Variants in AUTS2 observed in about 807,000 individuals in gnomAD.
AUTS2 encodes the protein activator of transcription and developmental regulator AUTS2.
AUTS2 carries 17 observed loss-of-function variants against 112.4 expected under a neutral mutation model. The observed-to-expected ratio is 0.15, with a 90% CI of 0.10 to 0.23. The LOEUF (loss-of-function observed/expected upper bound fraction) is 0.23. AUTS2 is among the 10% of genes least tolerant of loss of function. The probability of loss-of-function intolerance (pLI) is 1.00; values close to 1 mark genes in which losing one functional copy is unlikely to be tolerated. For synonymous variants in AUTS2, 751 were observed against 702.7 expected (o/e 1.07, Z -1.09); for missense variants, 1,510 against 1,701.6 (o/e 0.89, Z 1.98).
chr7:70,024,583 GT>G (rs1204668762), intron 2 of AUTS2, among the ~76,000 whole-genome samples: 1 of 151,800 alleles, frequency 6.6e-6, no homozygotes, highest in Non-Finnish European at 1.5e-5. Context: ...CTGTATGTGT[GT>G]TTTTTTCTCT....
At chr7:69,659,099 T>G (rs1219710708) in intron 1 of AUTS2, among the ~76,000 whole-genome samples, 4 of 152,202 alleles carry the variant, frequency 2.6e-5, no homozygotes, top group Non-Finnish European at 5.9e-5. Context: ...GACAGTGTCT[T>G]TAAAATGACC....
At chr7:70,513,865 G>T (rs945182626) in intron 5 of AUTS2, among the ~76,000 whole-genome samples, 1 of 151,914 alleles carries the variant, frequency 6.6e-6, no homozygotes, top group Non-Finnish European at 1.5e-5. Context: ...TCACCATGTT[G>T]CCCAGGCTGG....
intron 2 of AUTS2, among the ~76,000 whole-genome samples, chr7:69,923,988 A>G (rs1351718854): frequency 6.6e-6 from 1 of 152,204 alleles, no homozygotes; most frequent in Non-Finnish European, 1.5e-5. Flanking sequence ...CATGTTTAAT[A>G]GAAGAGACAA....
intron 2 of AUTS2, among the ~76,000 whole-genome samples, chr7:70,039,659 C>T (rs555567120): frequency 1.3e-5 from 2 of 152,116 alleles, no homozygotes; most frequent in African/African-American, 2.4e-5. Context: ...TGAGCTACTG[C>T]GCTTGGGCCA....
At chr7:70,762,090 G>A (rs931058525) in intron 6 of AUTS2, among the ~76,000 whole-genome samples, 2 of 152,160 alleles carry the variant, frequency 1.3e-5, no homozygotes, top group African/African-American at 4.8e-5. Context: ...TGGAAAGTGG[G>A]GAGGAAGGGA....
intron 5 of AUTS2, among the ~76,000 whole-genome samples, chr7:70,510,431 A>G (rs1433614084): frequency 1.3e-5 from 2 of 152,232 alleles, no homozygotes; most frequent in African/African-American, 4.8e-5. Context: ...GAGTGGGGAA[A>G]CATTTTTATT....
intron 5 of AUTS2, among the ~76,000 whole-genome samples, chr7:70,640,421 GAAAAAA>G (rs57911940): frequency 1.1e-5 from 1 of 93,616 alleles, no homozygotes; most frequent in African/African-American, 4.3e-5. Context: ...CTCACAGGGG[GAAAAAA>G]AAAAAAAAAA....
chr7:69,977,759 A>G (rs1225837503), intron 2 of AUTS2, among the ~76,000 whole-genome samples: 2 of 152,102 alleles, frequency 1.3e-5, no homozygotes, highest in African/African-American at 4.8e-5. Flanking sequence ...TGTCATTGAC[A>G]TTACTGGGTT....
At chr7:70,076,560 G>C (rs1425627069) in intron 2 of AUTS2, among the ~76,000 whole-genome samples, 5 of 152,114 alleles carry the variant, frequency 3.3e-5, no homozygotes, top group Admixed American at 2.6e-4. Flanking sequence ...GTGGTCTGTG[G>C]TTGCAGGCCA....
chr7:69,977,835 T>C (rs1041734602), intron 2 of AUTS2, among the ~76,000 whole-genome samples: 1 of 152,182 alleles, frequency 6.6e-6, no homozygotes, highest in Non-Finnish European at 1.5e-5. Context: ...ACCTATAAAA[T>C]GAAAACTCCT....
At chr7:69,977,971 C>G (rs554550546) in intron 2 of AUTS2, among the ~76,000 whole-genome samples, 1 of 152,144 alleles carries the variant, frequency 6.6e-6, no homozygotes, top group African/African-American at 2.4e-5. Flanking sequence ...TTTAGTTGTA[C>G]TTAGTGTGGA....
In AUTS2 at chr7:70,095,990, C is replaced by CTA. The variant is rs1554309503; in HGVS notation, c.523-22141_523-22140dup. ...TTGTATATAAACCCTATTGTATCTACTAAGGATATTGTTATAACTTCCTCT... is the reference window on the plus strand; with the variant it reads ...TTGTATATAAACCCTATTGTATCTACTATAAGGATATTGTTATAACTTCCTCT... On this transcript the variant is annotated intron_variant, in intron 2 of 18. Coordinates refer to ENST00000342771, the MANE Select transcript of AUTS2 (RefSeq NM_015570.4). 2.0e-5 allele frequency among the ~76,000 whole-genome samples: 3 copies of CTA among 152,128 alleles called. No homozygotes were observed. In the East Asian group the frequency reaches 5.8e-4, roughly 29 times the overall value.
intron 1 of AUTS2, among the ~76,000 whole-genome samples, chr7:69,790,135 A>T (rs1789550809): frequency 1.3e-5 from 2 of 151,954 alleles, no homozygotes; most frequent in Non-Finnish European, 2.9e-5. Flanking sequence ...AAAAAATAAA[A>T]AAAAAAATGG....
rs143684131 is a variant in AUTS2, at chr7:70,532,574, A to G, written c.690+96793A>G. ...AAAGGGAAGGTGAGAAGGCACTAGA[A>G]AAAAATGAACTATTCCTGCATTCGC... On this transcript the variant is annotated intron_variant, in intron 5 of 18. Coordinates refer to ENST00000342771, the MANE Select transcript of AUTS2 (RefSeq NM_015570.4). Among the ~76,000 whole-genome samples, 356 of 152,258 alleles carry G rather than the reference A, an allele frequency of 2.3e-3. 4 individuals carry two copies. The highest frequency in any genetic ancestry group is 8.3e-3 in the African/African-American group (344 of 41,558).
chr7:70,041,231 G>A (rs1432361042), intron 2 of AUTS2, among the ~76,000 whole-genome samples: 2 of 152,116 alleles, frequency 1.3e-5, no homozygotes, highest in African/African-American at 4.8e-5. Flanking sequence ...TTGTGGAAAA[G>A]GGAATACAAA....
chr7:69,903,114 G>C (rs1323346498), intron 2 of AUTS2, among the ~76,000 whole-genome samples: 2 of 152,094 alleles, frequency 1.3e-5, no homozygotes, highest in Non-Finnish European at 2.9e-5. Flanking sequence ...ACAAGGACAT[G>C]GTACTTTTTT....
At chr7:69,851,834 G>A (rs1792497090) in intron 1 of AUTS2, among the ~76,000 whole-genome samples, 1 of 152,062 alleles carries the variant, frequency 6.6e-6, no homozygotes, top group Non-Finnish European at 1.5e-5. Flanking sequence ...TTGCATGTTG[G>A]TCTTCAACTT....
chr7:70,050,210 A>T (rs1332731228), intron 2 of AUTS2, among the ~76,000 whole-genome samples: 2 of 151,526 alleles, frequency 1.3e-5, no homozygotes, highest in African/African-American at 4.9e-5. Context: ...TACAAAAATT[A>T]GCCAGGAGTG....
chr7:70,372,862 G>A (rs12698903), intron 4 of AUTS2, among the ~76,000 whole-genome samples: 7,591 of 152,010 alleles, frequency 0.05, 247 homozygotes, highest in Non-Finnish European at 0.074. Flanking sequence ...CCTAGGAGAA[G>A]CACTACATTA....
Sources: gnomAD v4.1 joint callset for allele counts (sites outside exome capture counted in the v4.1 genomes callset) on GRCh38, gnomAD v4.1.1 for gene constraint, MANE v1.5 for transcripts, NCBI Gene and HGNC (gene_info 2026-07-23, HGNC 2026-07-21) for gene names.